The following MYO1H variants were observed in gnomAD, a reference collection of about 807,000 sequenced individuals.
MYO1H encodes unconventional myosin-Ih.
A neutral mutation model predicts 149.3 loss-of-function variants in MYO1H; 118 were observed. That is an observed-to-expected ratio of 0.79 (90% confidence interval 0.68 to 0.92). The LOEUF is 0.92. MYO1H is among the 40% of genes least tolerant of loss of function. The pLI, the probability that MYO1H is intolerant of heterozygous loss-of-function variation, is 0.00. For missense variants in MYO1H, 1,212 were observed against 1,280.7 expected, an observed-to-expected ratio of 0.95 and a Z score of 0.82; for synonymous variants, 447 against 465.2, an observed-to-expected ratio of 0.96 and a Z score of 0.50.
At chr12:109,397,653 A>T in intron 4 of MYO1H, 79 bp from the exon 5 acceptor site, 2 of 1,119,750 alleles carry the variant, frequency 1.8e-6, no homozygotes, top group Admixed American at 2.7e-5. Flanking sequence ...CATTTTTGTA[A>T]TAAGTGTATT....
At chr12:109,388,983 C>G in intron 2 of MYO1H, 139 bp downstream of exon 2, 1 of 1,129,226 alleles carries the variant, frequency 8.9e-7, no homozygotes, top group Non-Finnish European at 1.2e-6. Flanking sequence ...CTTAGATGCA[C>G]TTCGATCCTT....
chr12:109,439,696 T>C lies in MYO1H; in HGVS notation c.2360T>C (p.Phe787Ser), dbSNP rs766967825. 9.9e-6 allele frequency: 16 copies of C among 1,613,796 alleles called. No homozygotes were observed. The East Asian group carries it at 3.6e-4, about 36-fold the overall frequency. ...CCTGACAACGAGGAATTTATCGTGT[T>C]TGTGCGGAAGAATTACATCTTGAAT... Residue 787 changes from phenylalanine to serine, a missense_variant, in exon 24 of 32, where the codon TTT becomes TCT. Physicochemically the swap from Phe to Ser is radical, Grantham distance 155. Coordinates refer to ENST00000310903, the Ensembl canonical transcript of MYO1H.
intron 1 of MYO1H, among the ~76,000 whole-genome samples, chr12:109,378,733 G>A (rs1869139485): frequency 6.7e-6 from 1 of 149,794 alleles, no homozygotes; most frequent in Admixed American, 6.6e-5. Context: ...ACTCGTAGTG[G>A]AAGGTAAAAG....
At chr12:109,438,683 C>A in intron 23 of MYO1H, 63 bp downstream of exon 23, 1 of 1,242,282 alleles carries the variant, frequency 8.0e-7, no homozygotes, top group South Asian at 1.3e-5. Context: ...CAGGGATGGT[C>A]ATGGAGGTAG....
chr12:109,424,713 C>T lies in MYO1H; in HGVS notation c.1645-35C>T, dbSNP rs372923431. 2.6e-6 allele frequency: 4 copies of T among 1,564,794 alleles called. No homozygotes were observed. In the African/African-American group the frequency reaches 5.4e-5, roughly 21 times the overall value. On this transcript the variant is annotated intron_variant, in intron 16 of 31. Transcript: ENST00000310903. ...GACAGCCCTGTAGTGATTTCTGAAA[C>T]AGCGAACGTGGTACTCATTTCTCTT...
intron 15 of MYO1H, among the ~76,000 whole-genome samples, chr12:109,415,893 C>T (rs1566034508): frequency 6.6e-6 from 1 of 151,656 alleles, no homozygotes; most frequent in African/African-American, 2.4e-5. Flanking sequence ...GTTGTGAAAA[C>T]ATTACCACCA....
chr12:109,397,639 C>T, intron 4 of MYO1H, 93 bp from the exon 5 acceptor site: 1 of 945,850 alleles, frequency 1.1e-6, no homozygotes, highest in South Asian at 2.1e-5. Flanking sequence ...CGCTCTCTCT[C>T]CTCCATTTTT....
intron 16 of MYO1H, among the ~76,000 whole-genome samples, chr12:109,421,752 C>A (rs1871182599): frequency 6.6e-6 from 1 of 152,056 alleles, no homozygotes; most frequent in Admixed American, 6.6e-5. Context: ...GGTATTAGCC[C>A]CCAGGGCTGC....
chr12:109,436,320 A>G (rs140108599), intron 21 of MYO1H, among the ~76,000 whole-genome samples, 168 bp from the exon 22 acceptor site: 10 of 152,240 alleles, frequency 6.6e-5, no homozygotes, highest in Admixed American at 2.0e-4. Context: ...GGCGTCATGT[A>G]ACCAGCCAGC....
chr12:109,367,934 A>T (rs560353660), intron 1 of MYO1H, among the ~76,000 whole-genome samples: 2 of 152,172 alleles, frequency 1.3e-5, no homozygotes, highest in African/African-American at 4.8e-5. Context: ...GCTCACTGCA[A>T]CCTCAAACTT....
In MYO1H at chr12:109,398,570, A is replaced by T. The variant is rs148581588; in HGVS notation, c.570+758A>T. 7.9e-3 allele frequency among the ~76,000 whole-genome samples: 1,201 copies of T among 151,682 alleles called. 6 individuals carry two copies. Among genetic ancestry groups the T allele is most frequent in the Non-Finnish European group, 0.013 (893 of 67,870 alleles). The stretch of plus-strand genomic sequence containing the variant: ...AGACCAGCCTGGTCAACATTGTGAA[A>T]CCCCATCTCTAAAAAAAAAAATACA... On this transcript the variant is annotated intron_variant, in intron 5 of 31. Transcript: ENST00000310903.
intron 4 of MYO1H, among the ~76,000 whole-genome samples, 159 bp from the exon 5 acceptor site, chr12:109,397,571 CTG>C (rs1263143392): frequency 2.0e-5 from 3 of 152,162 alleles, no homozygotes; most frequent in Admixed American, 6.5e-5. Context: ...ATTAAATTCT[CTG>C]TAGTTAGCGA....
At chr12:109,406,467 TA>T (rs56744077) in intron 8 of MYO1H, among the ~76,000 whole-genome samples, 1,037 of 43,626 alleles carry the variant, frequency 0.024, 11 homozygotes, top group East Asian at 0.05. Flanking sequence ...CCCTATCTCT[TA>T]AAAAAAAAAA....
chr12:109,436,672 C>A, intron 22 of MYO1H, 116 bp downstream of exon 22: 1 of 690,372 alleles, frequency 1.4e-6, no homozygotes, highest in Admixed American at 2.5e-5. Context: ...GTGGTGCTAT[C>A]TTGGGGTCCA....
At position 109,438,052 on chromosome 12, in the gene MYO1H, C is replaced by T. The variant is rs185918815; in HGVS notation, c.2210-484C>T. Among the ~76,000 whole-genome samples, 17 of 142,194 alleles carry T rather than the reference C, an allele frequency of 1.2e-4. No individual in the cohort carries two copies. The East Asian group carries it at 3.0e-3, about 25-fold the overall frequency. The allele number at this position is 142,194 out of a possible 152,430, so 93.3% of individuals were successfully genotyped here. ...GCAGTGAACCAAGATCACACCATTGCACTCCAGCTTGGGCGACAGAGCAAG... is the reference window on the plus strand; with the variant it reads ...GCAGTGAACCAAGATCACACCATTGTACTCCAGCTTGGGCGACAGAGCAAG... On this transcript the variant is annotated intron_variant, in intron 22 of 31. Transcript: ENST00000310903.
exon 8 of MYO1H, chr12:109,406,012 C>G (rs879623696): frequency 1.9e-6 from 3 of 1,613,128 alleles, no homozygotes; most frequent in Non-Finnish European, 2.5e-6. Context: ...CCCAGACACC[C>G]ATGAGATCAA....
the MYO1H span, among the ~76,000 whole-genome samples, chr12:109,335,941 T>C: frequency 2.6e-5 from 4 of 152,320 alleles, no homozygotes; most frequent in East Asian, 1.9e-4. Context: ...ATGGTTTCCA[T>C]TAGATTTTCT....
intron 1 of MYO1H, among the ~76,000 whole-genome samples, chr12:109,357,746 AT>A (rs1236115636): frequency 1.6e-5 from 1 of 61,918 alleles, no homozygotes; most frequent in South Asian, 4.5e-4. Context: ...TATTCTCTTG[AT>A]TTTTTTTCTC....
At chr12:109,354,402 A>G (rs1868534544) in intron 1 of MYO1H, 1 of 151,844 alleles carries the variant, frequency 6.6e-6, no homozygotes, top group African/African-American at 2.4e-5. Flanking sequence ...GGAGATCGAG[A>G]CCATCCTGGC....
Sources: gnomAD v4.1 joint callset for allele counts (sites outside exome capture counted in the v4.1 genomes callset) on GRCh38, gnomAD v4.1.1 for gene constraint, MANE v1.5 for transcripts, NCBI Gene and HGNC (gene_info 2026-07-23, HGNC 2026-07-21) for gene names.